ZFPM2: variants seen among roughly 807,000 people sequenced by gnomAD.
ZFPM2 encodes the protein zinc finger protein, FOG family member 2, also known as zinc finger protein ZFPM2.
ZFPM2 carries 20 observed loss-of-function variants against 98.6 expected under a neutral mutation model. The observed-to-expected ratio is 0.20, with a 90% CI of 0.14 to 0.29. The LOEUF (loss-of-function observed/expected upper bound fraction) is 0.29, where lower values mean the gene tolerates loss of function less well. ZFPM2 is among the 10% of genes least tolerant of loss of function. ZFPM2 has a pLI of 1.00. For missense variants in ZFPM2, 1,310 were observed against 1,388.6 expected, an observed-to-expected ratio of 0.94 and a Z score of 0.90; for synonymous variants, 518 against 502.7, an observed-to-expected ratio of 1.03 and a Z score of -0.41.
chr8:105,416,632 T>C (rs1362415517), intron 1 of ZFPM2, among the ~76,000 whole-genome samples: 1 of 151,948 alleles, frequency 6.6e-6, no homozygotes, highest in East Asian at 1.9e-4. Context: ...TCAAAAGAAG[T>C]ATATATTGTA....
At chr8:105,492,543 C>G (rs1353415362) in intron 3 of ZFPM2, among the ~76,000 whole-genome samples, 2 of 152,090 alleles carry the variant, frequency 1.3e-5, no homozygotes, top group African/African-American at 2.4e-5. Context: ...TTGCCCTACA[C>G]ATAAAGGCCA....
chr8:105,562,633 A>T (rs1490209602), intron 4 of ZFPM2, among the ~76,000 whole-genome samples: 1 of 151,628 alleles, frequency 6.6e-6, no homozygotes, highest in Admixed American at 6.6e-5. Context: ...TCCCTCATAG[A>T]CCCCCTTCCA....
intron 5 of ZFPM2, among the ~76,000 whole-genome samples, chr8:105,736,264 A>G (rs1399214071): frequency 6.6e-6 from 1 of 151,980 alleles, no homozygotes; most frequent in Non-Finnish European, 1.5e-5. Context: ...TATGAGCCAG[A>G]ATAAAAGATA....
chr8:105,748,613 C>T (rs768118204), intron 5 of ZFPM2, among the ~76,000 whole-genome samples: 59 of 151,966 alleles, frequency 3.9e-4, no homozygotes, highest in African/African-American at 4.8e-5. Flanking sequence ...TTTGTCTTTG[C>T]GATAGGTTAT....
chr8:105,669,032 G>A lies in ZFPM2; in HGVS notation c.532+34675G>A, dbSNP rs991127891. Among the ~76,000 whole-genome samples, 131 of 152,176 alleles carry A rather than the reference G, an allele frequency of 8.6e-4. 1 individual carries two copies. Among genetic ancestry groups the A allele is most frequent in the African/African-American group, 3.1e-3 (128 of 41,536 alleles). The stretch of plus-strand genomic sequence containing the variant: ...GTTTTTTATATGCATTATTCAACCT[G>A]AGGACTACATTTGGAATGTTTCACT... On this transcript the variant is annotated intron_variant, in intron 5 of 7. Coordinates refer to ENST00000407775, the MANE Select transcript of ZFPM2 (RefSeq NM_012082.4).
chr8:105,419,224 C>A lies in ZFPM2; in HGVS notation c.121C>A (p.Pro41Thr), dbSNP rs199535268. ...ETDIISKGDFPLEESFSTEFG... is the reference protein window; with the variant it reads ...ETDIISKGDFTLEESFSTEFG... ...AGACATCATCTCCAAAGGAGACTTT[C>A]CATTGGAGGAAAGCTTTTCCACAGA... is the stretch of plus-strand genomic sequence containing the variant. Residue 41 changes from proline to threonine, a missense_variant, in exon 2 of 8, where the codon CCA becomes ACA. By Grantham distance (38) the Pro-to-Thr change is conservative. Transcript: ENST00000407775. The A allele has an allele frequency of 3.7e-6, 6 of 1,613,630 alleles. No homozygotes were observed. Among genetic ancestry groups the A allele is most frequent in the Non-Finnish European group, 5.1e-6 (6 of 1,179,688 alleles).
At position 105,803,032 on chromosome 8, in the gene ZFPM2, T is replaced by C. The variant is rs1204235212; in HGVS notation, c.2950T>C (p.Tyr984His). 6.2e-7 allele frequency: 1 copy of C among 1,613,452 alleles called. No homozygotes were observed. Among genetic ancestry groups the C allele is most frequent in the Non-Finnish European group, 8.5e-7 (1 of 1,179,678 alleles). The change falls in exon 8 of 8, where the codon TAT becomes CAT. Residue 984 changes from tyrosine (Y) to histidine (H), a missense_variant. Tyr to His is a moderately conservative substitution (Grantham distance 83, BLOSUM62 2). Coordinates refer to ENST00000407775, the MANE Select transcript of ZFPM2 (RefSeq NM_012082.4). ...AAAAGGAGCCGACCAGCTTTCTCCA[T>C]ATTATGGAATCAAGCCAAGTGATTA... ...KAKGADQLSP[Y>H]YGIKPSDYIS...
At chr8:105,682,695 A>G (rs151288467) in intron 5 of ZFPM2, among the ~76,000 whole-genome samples, 6 of 152,268 alleles carry the variant, frequency 3.9e-5, no homozygotes, top group South Asian at 4.1e-4. Context: ...GTCATATGCT[A>G]TATCTACTTG....
chr8:105,516,272 C>T (rs189058156), intron 3 of ZFPM2, among the ~76,000 whole-genome samples: 14 of 152,054 alleles, frequency 9.2e-5, no homozygotes, highest in Non-Finnish European at 1.5e-4. Context: ...TCTGTTACCC[C>T]CCTTGAGACA....
At chr8:105,359,287 A>G (rs1003655557) in intron 1 of ZFPM2, among the ~76,000 whole-genome samples, 5 of 151,924 alleles carry the variant, frequency 3.3e-5, no homozygotes, top group Non-Finnish European at 1.5e-5. Context: ...AGCCATGCAG[A>G]ACTGTGAGTC....
intron 4 of ZFPM2, among the ~76,000 whole-genome samples, chr8:105,577,481 C>G (rs1656270489): frequency 6.6e-6 from 1 of 151,736 alleles, no homozygotes; most frequent in Non-Finnish European, 1.5e-5. Flanking sequence ...AAGCACACCT[C>G]TATTATTGAA....
intron 3 of ZFPM2, among the ~76,000 whole-genome samples, chr8:105,514,310 T>G (rs1337390834): frequency 1.4e-4 from 2 of 14,348 alleles, no homozygotes; most frequent in Non-Finnish European, 5.0e-4. Context: ...GTCGTGTCTT[T>G]TTTTTTTTTT....
At chr8:105,593,748 G>T (rs577631141) in intron 4 of ZFPM2, among the ~76,000 whole-genome samples, 4 of 151,906 alleles carry the variant, frequency 2.6e-5, no homozygotes, top group Non-Finnish European at 5.9e-5. Context: ...ACACAACTTT[G>T]TTGGTTGTGT....
At chr8:105,321,966 T>C (rs1812033692) in intron 1 of ZFPM2, among the ~76,000 whole-genome samples, 1 of 152,224 alleles carries the variant, frequency 6.6e-6, no homozygotes, top group Non-Finnish European at 1.5e-5. Context: ...TGATAAATTA[T>C]GTATTTTGCC....
chr8:105,409,484 G>A (rs1359569611), intron 1 of ZFPM2, among the ~76,000 whole-genome samples: 1 of 151,844 alleles, frequency 6.6e-6, no homozygotes, highest in African/African-American at 2.4e-5. Context: ...CAATTAACCA[G>A]CACTAAATGA....
chr8:105,465,256 C>G (rs923605907), intron 3 of ZFPM2, among the ~76,000 whole-genome samples: 2 of 151,814 alleles, frequency 1.3e-5, no homozygotes, highest in Admixed American at 6.6e-5. Context: ...TGTAATGCCT[C>G]TAAGACATTA....
At chr8:105,555,862 G>A (rs72673745) in intron 3 of ZFPM2, among the ~76,000 whole-genome samples, 4,557 of 152,222 alleles carry the variant, frequency 0.03, 90 homozygotes, top group Non-Finnish European at 0.049. Context: ...GCCAGATAGC[G>A]GGAACCATTC....
chr8:105,661,768 G>T (rs1053047564), intron 5 of ZFPM2, among the ~76,000 whole-genome samples: 1 of 152,032 alleles, frequency 6.6e-6, no homozygotes, highest in African/African-American at 2.4e-5. Context: ...AAGCTGCAAG[G>T]AACAGCTTTG....
chr8:105,341,208 C>T (rs1812424066), intron 1 of ZFPM2, among the ~76,000 whole-genome samples: 1 of 151,868 alleles, frequency 6.6e-6, no homozygotes, highest in Admixed American at 6.6e-5. Flanking sequence ...ATGCACAAAT[C>T]CGTCCAAAAT....
Sources: gnomAD v4.1 joint callset for allele counts (sites outside exome capture counted in the v4.1 genomes callset) on GRCh38, gnomAD v4.1.1 for gene constraint, MANE v1.5 for transcripts, NCBI Gene and HGNC (gene_info 2026-07-23, HGNC 2026-07-21) for gene names.